LPO: variants seen among roughly 807,000 people sequenced by gnomAD.
LPO encodes lactoperoxidase.
In LPO, 70 loss-of-function variants were observed where a neutral mutation model predicts 68.4. That is an observed-to-expected ratio of 1.02 (90% CI 0.84 to 1.25). The LOEUF (loss-of-function observed/expected upper bound fraction) is 1.25, where lower values mean the gene tolerates loss of function less well. LPO is among the 50% of genes most tolerant of loss of function. LPO has a pLI of 0.00. For synonymous variants in LPO, 360 were observed against 357.6 expected (o/e 1.01, Z -0.08); for missense variants, 873 against 908.4 (o/e 0.96, Z 0.50).
chr17:58,252,654 C>A, intron 8 of LPO, 148 bp downstream of exon 8: 1 of 729,070 alleles, frequency 1.4e-6, no homozygotes. Context: ...GCAGAAGGGC[C>A]CAGATGAATA....
At chr17:58,267,690 G>T (rs1390584945) in intron 12 of LPO, 97 bp from the exon 13 acceptor site, 11 of 1,458,110 alleles carry the variant, frequency 7.5e-6, no homozygotes, top group Non-Finnish European at 1.0e-5. Context: ...TGTGAGTAGG[G>T]CTTTTCATGG....
At chr17:58,267,127 C>T (rs562499983) in intron 11 of LPO, among the ~76,000 whole-genome samples, 18 of 152,362 alleles carry the variant, frequency 1.2e-4, no homozygotes, top group Middle Eastern at 3.4e-3. Flanking sequence ...ATAGTACATA[C>T]CACATAACTT....
At chr17:58,258,415 A>G (rs1408029597) in intron 9 of LPO, among the ~76,000 whole-genome samples, 3 of 152,080 alleles carry the variant, frequency 2.0e-5, no homozygotes, top group Non-Finnish European at 4.4e-5. Flanking sequence ...TCCCCAGTAT[A>G]TGTTCTTGGC....
chr17:58,264,578 T>C, intron 9 of LPO, 144 bp from the exon 10 acceptor site: 3 of 739,564 alleles, frequency 4.1e-6, no homozygotes, highest in Non-Finnish European at 6.8e-6. Context: ...CTCATAGGAA[T>C]GGGAACTGGG....
intron 9 of LPO, 34 bp downstream of exon 9, chr17:58,255,005 C>T (rs367863432): frequency 6.2e-7 from 1 of 1,604,964 alleles, no homozygotes; most frequent in African/African-American, 1.3e-5. Flanking sequence ...CACCTGGTCC[C>T]ACCTGGCTCC....
chr17:58,266,307 C>G lies in LPO; in HGVS notation c.1674C>G (p.Cys558Trp). 2 of 1,614,080 alleles carry G rather than the reference C, an allele frequency of 1.2e-6. No homozygotes were observed. The highest frequency in any genetic ancestry group is 1.7e-6 in the Non-Finnish European group (2 of 1,180,026). Residue 558 changes from cysteine (C) to tryptophan (W), a missense_variant, in exon 11 of 13, where the codon TGC (cysteine) becomes TGG (tryptophan). Physicochemically the swap from Cys to Trp is radical, Grantham distance 215 (BLOSUM62 -2). Coordinates refer to ENST00000262290, the MANE Select transcript of LPO (RefSeq NM_006151.3). ...TGGCTGCCATCAACACACAGCGTTG[C>G]CGGGACCATGGGCAACCTGGTGAGT... ...FDLAAINTQR[C>W]RDHGQPGYNS...
rs187068836 is a variant in LPO at position 58,253,923 on chromosome 17, C to A, written c.1106-888C>A. On this transcript the variant is annotated intron_variant, in intron 8 of 12. Transcript: ENST00000262290. ...GCCACAAGTTCGAGAACAGCCTGGGCAACATAGCAAGACCCCTGTCTCTAC... is the reference window on the plus strand; with the variant it reads ...GCCACAAGTTCGAGAACAGCCTGGGAAACATAGCAAGACCCCTGTCTCTAC... Among the ~76,000 whole-genome samples, 16 of 152,194 alleles carry A rather than the reference C, an allele frequency of 1.1e-4. No individual in the cohort carries two copies. In the East Asian group the frequency reaches 3.1e-3, roughly 29 times the overall value.
intron 8 of LPO, among the ~76,000 whole-genome samples, chr17:58,252,974 G>A: frequency 8.4e-6 from 1 of 118,876 alleles, no homozygotes; most frequent in Non-Finnish European, 1.6e-5. Flanking sequence ...AGTGAGCCGA[G>A]ATCACGCCAC....
intron 1 of LPO, among the ~76,000 whole-genome samples, chr17:58,240,967 T>C (rs1158752724): frequency 6.6e-6 from 1 of 152,088 alleles, no homozygotes; most frequent in African/African-American, 2.4e-5. Flanking sequence ...TCAATGGGTA[T>C]AGGGTTTCAG....
chr17:58,253,242 T>C (rs2143914717), intron 8 of LPO, among the ~76,000 whole-genome samples: 1 of 152,250 alleles, frequency 6.6e-6, no homozygotes, highest in African/African-American at 2.4e-5. Context: ...ATTTACTCCA[T>C]GCCATTAACT....
Position 58,257,609 on chromosome 17 carries a change from C to T in LPO, c.1266+2638C>T, listed in dbSNP as rs996832148. Among the ~76,000 whole-genome samples the T allele has an allele frequency of 5.9e-5, 9 of 152,138 alleles. No homozygotes were observed. The South Asian group carries it at 6.2e-4, about 11-fold the overall frequency. ...CAGTGCTGTAACAAATGTAAGAGTG[C>T]GGATATCTCTTTGATATACTGATTT... On this transcript the variant is annotated intron_variant, in intron 9 of 12. Coordinates refer to ENST00000262290, the MANE Select transcript of LPO (RefSeq NM_006151.3).
At chr17:58,249,959 C>A (rs555544439) in intron 6 of LPO, among the ~76,000 whole-genome samples, 18 of 152,300 alleles carry the variant, frequency 1.2e-4, no homozygotes, top group African/African-American at 3.8e-4. Flanking sequence ...ATCCCGCTCG[C>A]ACTTACCCCA....
rs1347560467 is a variant in LPO, at chr17:58,266,207, A to C, written c.1574A>C (p.Lys525Thr). 4.3e-6 allele frequency: 7 copies of C among 1,614,138 alleles called. No individual in the cohort carries two copies. Among genetic ancestry groups the C allele is most frequent in the Non-Finnish European group, 5.9e-6 (7 of 1,180,026 alleles). The change falls in exon 11 of 13, where the codon AAA becomes ACA. Residue 525 changes from lysine (K) to threonine (T), a missense_variant. Physicochemically the swap from Lys to Thr is moderately conservative, Grantham distance 78. Transcript: ENST00000262290. ...CTGGCCAAGAAATCCAAGCTGATGAAACAGAATAAAATGATGACTGGAGAG... is the reference window on the plus strand; with the variant it reads ...CTGGCCAAGAAATCCAAGCTGATGACACAGAATAAAATGATGACTGGAGAG... Reference protein sequence around the residue: ...GLLAKKSKLMKQNKMMTGELR... With the variant: ...GLLAKKSKLMTQNKMMTGELR...
chr17:58,240,931 G>A (rs1189085481), intron 1 of LPO, among the ~76,000 whole-genome samples: 1 of 152,098 alleles, frequency 6.6e-6, no homozygotes, highest in African/African-American at 2.4e-5. Context: ...AGGAGCTAGG[G>A]GGAAGGGGAA....
chr17:58,244,699 C>T (rs936963596), intron 3 of LPO, among the ~76,000 whole-genome samples: 7 of 152,232 alleles, frequency 4.6e-5, no homozygotes, highest in Admixed American at 1.3e-4. Context: ...TGGCTGCAGG[C>T]TTGCAGGTGG....
intron 11 of LPO, 33 bp from the exon 12 acceptor site, chr17:58,267,316 C>A: frequency 1.3e-6 from 2 of 1,566,456 alleles, no homozygotes; most frequent in East Asian, 4.5e-5. Flanking sequence ...AGGAAGTCCC[C>A]GGGATGAGAC....
rs1221291892 is a variant in LPO at position 58,264,779 on chromosome 17, A to G, written c.1324A>G (p.Ile442Val). 2 of 1,614,244 alleles carry G rather than the reference A, an allele frequency of 1.2e-6. No homozygotes were observed. Among genetic ancestry groups the G allele is most frequent in the Non-Finnish European group, 1.7e-6 (2 of 1,180,026 alleles). The change falls in exon 10 of 13, where the codon ATA becomes GTA. Residue 442 changes from isoleucine (I) to valine (V), a missense_variant. Coordinates refer to ENST00000262290, the MANE Select transcript of LPO (RefSeq NM_006151.3). ...GCTAGGTGACCACATGCAGAAGTGG[A>G]TACCCCCATATCAAGGCTACAGTGA... The part of the protein sequence containing the change: ...ILLGDHMQKW[I>V]PPYQGYSESV...
At chr17:58,243,900 G>A in intron 2 of LPO, 94 bp from the exon 3 acceptor site, 2 of 795,828 alleles carry the variant, frequency 2.5e-6, no homozygotes, top group South Asian at 2.9e-5. Context: ...GAGGGGTGGG[G>A]GTAATGGCCG....
chr17:58,266,640 A>G (rs1970273332), intron 11 of LPO, among the ~76,000 whole-genome samples: 1 of 151,674 alleles, frequency 6.6e-6, no homozygotes, highest in South Asian at 2.1e-4. Context: ...TTTTTTAAAT[A>G]TAGACATAGT....
Sources: allele counts gnomAD v4.1 joint callset (sites outside exome capture counted in the v4.1 genomes callset), GRCh38; gene constraint gnomAD v4.1.1; transcripts MANE v1.5; gene names NCBI Gene and HGNC (gene_info 2026-07-23, HGNC 2026-07-21).